The following ANKRD50 variants were observed in gnomAD, a reference collection of about 807,000 sequenced individuals.
ANKRD50 encodes the protein ankyrin repeat domain 50.
A neutral mutation model predicts 112.0 loss-of-function variants in ANKRD50; 40 were observed. The observed-to-expected ratio is 0.36, with a 90% CI of 0.28 to 0.46. The LOEUF is 0.46. Among genes scored for constraint, ANKRD50 ranks in the 20% least tolerant of loss-of-function variants. The pLI is 1.00. For synonymous variants in ANKRD50, 613 were observed against 619.1 expected, an observed-to-expected ratio of 0.99 and a Z score of 0.15; for missense variants, 1,487 against 1,701.7, an observed-to-expected ratio of 0.87 and a Z score of 2.22.
chr4:124,671,840 A>G lies in ANKRD50; in HGVS notation c.1437T>C (p.Gly479=), dbSNP rs908520086. Residue 479 remains glycine, a synonymous_variant, in exon 4 of 5, where the codon GGT becomes GGC. Transcript: ENST00000504087. Reference sequence around the variant, plus strand: ...TAGAAAGGGAATCTCTGACAGGTGTACCATTCCATATCATCCACAGAGCTA... The same window carrying G: ...TAGAAAGGGAATCTCTGACAGGTGTGCCATTCCATATCATCCACAGAGCTA... ...AELALWMIWN[G]TPVRDSLSTL... is the part of the protein sequence containing the mutation. 1.9e-6 allele frequency: 3 copies of G among 1,613,788 alleles called. No individual in the cohort carries two copies. Among genetic ancestry groups the G allele is most frequent in the Admixed American group, 1.7e-5 (1 of 59,960 alleles).
chr4:124,688,160 C>T (rs549883473), intron 2 of ANKRD50, among the ~76,000 whole-genome samples: 1 of 152,262 alleles, frequency 6.6e-6, no homozygotes, highest in Non-Finnish European at 1.5e-5. Flanking sequence ...CAGAGTATCA[C>T]TCAGTCATAA....
intron 2 of ANKRD50, among the ~76,000 whole-genome samples, chr4:124,704,099 C>T (rs1297386492): frequency 1.4e-5 from 2 of 147,908 alleles, no homozygotes; most frequent in African/African-American, 4.8e-5. Context: ...AAGTTGGAAA[C>T]AATAGACCAT....
intron 2 of ANKRD50, among the ~76,000 whole-genome samples, chr4:124,690,306 C>A (rs1725106282): frequency 6.6e-6 from 1 of 152,224 alleles, no homozygotes; most frequent in Non-Finnish European, 1.5e-5. Flanking sequence ...GAAATCCCAG[C>A]TTCCAGAAAA....
At chr4:124,699,055 A>G (rs960736973) in intron 2 of ANKRD50, among the ~76,000 whole-genome samples, 4 of 152,182 alleles carry the variant, frequency 2.6e-5, no homozygotes, top group Non-Finnish European at 4.4e-5. Context: ...GTTTGTAACA[A>G]TTACGTGTGT....
Position 124,710,551 on chromosome 4 carries a change from T to G in ANKRD50, c.-40A>C, listed in dbSNP as rs754367955. 3.2e-6 allele frequency: 5 copies of G among 1,553,182 alleles called. No homozygotes were observed. The highest frequency in any genetic ancestry group is 2.7e-5 in the African/African-American group (2 of 73,382). Reference sequence around the variant, plus strand: ...CTTCATTTGCTAGAGTCTGGATACATCAACACAGGTCTTTCCATCCATTAT... The same window carrying G: ...CTTCATTTGCTAGAGTCTGGATACAGCAACACAGGTCTTTCCATCCATTAT... On this transcript the variant is annotated 5_prime_UTR_variant, in exon 2 of 5. An upstream start codon of the reference 5' UTR is lost. Transcript: ENST00000504087.
chr4:124,692,832 C>A (rs560218807), intron 2 of ANKRD50, among the ~76,000 whole-genome samples: 7 of 152,294 alleles, frequency 4.6e-5, no homozygotes, highest in African/African-American at 1.7e-4. Flanking sequence ...TAGTCTATTG[C>A]ATTTTGTTTT....
At chr4:124,705,586 A>G (rs1725487130) in intron 2 of ANKRD50, among the ~76,000 whole-genome samples, 2 of 152,158 alleles carry the variant, frequency 1.3e-5, no homozygotes, top group African/African-American at 4.8e-5. Context: ...TAAATCTCCA[A>G]AACGATTTCT....
intron 2 of ANKRD50, among the ~76,000 whole-genome samples, chr4:124,691,347 C>CCGGGCGCGGTGG (rs557645231): frequency 3.7e-3 from 530 of 142,900 alleles, no homozygotes; most frequent in Middle Eastern, 0.012. Context: ...AAAAAATTAG[C>CCGGGCGCGGTGG]CGGGCGCGGT....
Position 124,671,740 on chromosome 4 carries a change from G to T in ANKRD50, c.1537C>A (p.Arg513Ser), listed in dbSNP as rs753842227. The change falls in exon 4 of 5, where the codon CGC becomes AGC. Residue 513 changes from arginine to serine, a missense_variant. Physicochemically the swap from Arg to Ser is moderately radical, Grantham distance 110 (BLOSUM62 -1). Coordinates refer to ENST00000504087, the MANE Select transcript of ANKRD50 (RefSeq NM_020337.3). ...AGAHVNSEDDRTSCIVRQALE... is the reference protein window; with the variant it reads ...AGAHVNSEDDSTSCIVRQALE... ...GCTTGTCGAACTATGCATGATGTGC[G>T]ATCGTCTTCACTGTTGACATGAGCC... is the stretch of plus-strand genomic sequence containing the variant. 6.2e-7 allele frequency: 1 copy of T among 1,613,864 alleles called. No homozygotes were observed. The highest frequency in any genetic ancestry group is 8.5e-7 in the Non-Finnish European group (1 of 1,179,864).
chr4:124,679,606 T>A (rs1164309741), intron 2 of ANKRD50, among the ~76,000 whole-genome samples: 1 of 152,156 alleles, frequency 6.6e-6, no homozygotes, highest in Non-Finnish European at 1.5e-5. Flanking sequence ...TTACTTGATG[T>A]GTGCTGTGGG....
chr4:124,690,670 A>G (rs1212422374), intron 2 of ANKRD50, among the ~76,000 whole-genome samples: 1 of 152,184 alleles, frequency 6.6e-6, no homozygotes, highest in Non-Finnish European at 1.5e-5. Flanking sequence ...ACTACAATTA[A>G]CTGCTGTAGG....
chr4:124,685,576 T>C (rs72927422), intron 2 of ANKRD50, among the ~76,000 whole-genome samples: 20 of 152,260 alleles, frequency 1.3e-4, no homozygotes, highest in African/African-American at 4.3e-4. Flanking sequence ...TATACATGTA[T>C]ATTATTATTA....
At chr4:124,697,958 T>C (rs1725288847) in intron 2 of ANKRD50, among the ~76,000 whole-genome samples, 1 of 152,154 alleles carries the variant, frequency 6.6e-6, no homozygotes, top group Non-Finnish European at 1.5e-5. Context: ...TACAGCTTGA[T>C]TATACTCTAA....
rs563693691 is a variant in ANKRD50 at position 124,666,511 on chromosome 4, G to C, written c.*1007C>G. On this transcript the variant is annotated 3_prime_UTR_variant, in exon 5 of 5. Transcript: ENST00000504087. ...AATTGATTTTGAGTGGGGCTATTTT[G>C]GTCATGCAGCAATTTACAAAATAGA... 6.6e-6 allele frequency: 1 copy of C among 152,412 alleles called. No individual in the cohort carries two copies. The highest frequency in any genetic ancestry group is 2.1e-4 in the South Asian group (1 of 4,824). 9.4% of individuals were successfully genotyped at this position (152,412 alleles called of 1,614,324 possible).
intron 1 of ANKRD50, among the ~76,000 whole-genome samples, chr4:124,711,967 G>A (rs551950137): frequency 4.8e-4 from 73 of 152,234 alleles, no homozygotes; most frequent in African/African-American, 1.7e-3. Context: ...CGGTGCTGGT[G>A]GGTGTCTGCC....
rs1578566479 is a variant in ANKRD50 at position 124,666,053 on chromosome 4, G to A, written c.*1465C>T. 1 of 151,904 alleles carries A rather than the reference G, an allele frequency of 6.6e-6. No individual in the cohort carries two copies. The highest frequency in any genetic ancestry group is 1.5e-5 in the Non-Finnish European group (1 of 67,906). The allele number at this position is 151,904 out of a possible 1,614,324, so 9.4% of individuals were successfully genotyped here. On this transcript the variant is annotated 3_prime_UTR_variant, in exon 5 of 5. Coordinates refer to ENST00000504087, the MANE Select transcript of ANKRD50 (RefSeq NM_020337.3). ...TCTCTTTCCTCATTCCTCATCAACA[G>A]TACATGAAAAGAACAGAATTTCTGG...
chr4:124,701,715 T>TG (rs1379733436), intron 2 of ANKRD50, among the ~76,000 whole-genome samples: 1 of 151,858 alleles, frequency 6.6e-6, no homozygotes, highest in Non-Finnish European at 1.5e-5. Context: ...TTTATAGAGA[T>TG]GGGGTCTCAC....
intron 3 of ANKRD50, among the ~76,000 whole-genome samples, chr4:124,678,323 C>G (rs895691546): frequency 6.6e-6 from 1 of 151,794 alleles, no homozygotes; most frequent in African/African-American, 2.4e-5. Flanking sequence ...GAAACTCTGA[C>G]AGTGTGCTTT....
Position 124,688,284 on chromosome 4 carries a change from T to C in ANKRD50, c.513-9379A>G, listed in dbSNP as rs183959914. On this transcript the variant is annotated intron_variant, in intron 2 of 4. Coordinates refer to ENST00000504087, the MANE Select transcript of ANKRD50 (RefSeq NM_020337.3). ...CAGTTCCAAAAGGCTGCACATACTATTGCATTTACATGACACATGGAAAAA... is the reference window on the plus strand; with the variant it reads ...CAGTTCCAAAAGGCTGCACATACTACTGCATTTACATGACACATGGAAAAA... 2.7e-3 allele frequency among the ~76,000 whole-genome samples: 405 copies of C among 152,290 alleles called. 2 individuals are homozygous for C. The highest frequency in any genetic ancestry group is 9.0e-3 in the African/African-American group (375 of 41,570).
Sources: gnomAD v4.1 joint callset for allele counts (sites outside exome capture counted in the v4.1 genomes callset) on GRCh38, gnomAD v4.1.1 for gene constraint, MANE v1.5 for transcripts, NCBI Gene and HGNC (gene_info 2026-07-23, HGNC 2026-07-21) for gene names.